The following HMX1 variants were observed in gnomAD, a reference collection of about 807,000 sequenced individuals.
The protein encoded by HMX1 is H6 family homeobox 1.
Under a neutral mutation model 8.9 loss-of-function variants are expected in HMX1, and 8 were observed. The observed-to-expected ratio is 0.90, with a 90% CI of 0.53 to 1.63. The LOEUF is 1.63. Ranked by LOEUF, HMX1 falls within the 40% of genes most tolerant of loss-of-function variation. HMX1 has a pLI of 0.00. For synonymous variants in HMX1, 311 were observed against 283.4 expected (o/e 1.10, Z -0.98); for missense variants, 621 against 558.5 (o/e 1.11, Z -1.13).
chr4:8,849,673 G>A lies in HMX1; in HGVS notation c.395-3349C>T, dbSNP rs185810314. On this transcript the variant is annotated intron_variant, in intron 1 of 1. Coordinates refer to the HMX1 transcript ENST00000506970. The surrounding 1 kb of genome is among the most constrained non-coding windows in gnomAD (Gnocchi z 6.6). Reference sequence around the variant, plus strand: ...TGGGGTCCCCCCGGCCCCAGCGTGCGGTCTTCAACTGTCATCAGGCCCATG... The same window carrying A: ...TGGGGTCCCCCCGGCCCCAGCGTGCAGTCTTCAACTGTCATCAGGCCCATG... Among the ~76,000 whole-genome samples, 5 of 152,324 alleles carry A rather than the reference G, an allele frequency of 3.3e-5. No homozygotes were observed. The highest frequency in any genetic ancestry group is 7.3e-5 in the Non-Finnish European group (5 of 68,028).
intron 1 of HMX1, among the ~76,000 whole-genome samples, chr4:8,854,415 C>T (rs985565182): frequency 1.3e-5 from 2 of 152,252 alleles, no homozygotes; most frequent in African/African-American, 4.8e-5. Context: ...TGCTGGGACA[C>T]TCCTGTGTGT....
In HMX1 at chr4:8,868,298, C is replaced by G. The variant is rs1722095678; in HGVS notation, c.442G>C (p.Glu148Gln). The G allele has an allele frequency of 6.2e-6, 9 of 1,443,036 alleles. No individual in the cohort carries two copies. Among genetic ancestry groups the G allele is most frequent in the Non-Finnish European group, 8.2e-6 (9 of 1,104,102 alleles). 89.4% of individuals were successfully genotyped at this position (1,443,036 alleles called of 1,614,324 possible). A position where few individuals can be genotyped will look rare whatever the true frequency, so the allele number is the denominator to read the frequency against. Residue 148 changes from glutamate (E) to glutamine (Q), a missense_variant, in exon 2 of 2, where the codon GAG becomes CAG. Transcript: ENST00000400677. This position sits in a 1 kb window ranked among gnomAD's most constrained non-coding sequence, Gnocchi z 4.6. ...PETGEEMGRA[E>Q]GAWPRGPGPG... The stretch of plus-strand genomic sequence containing the variant: ...CCGGGGCCTCGCGGCCAGGCGCCCT[C>G]CGCACGGCCCATCTCCTCGCCCGTC...
downstream of HMX1, among the ~76,000 whole-genome samples, chr4:8,864,413 G>A (rs1411798852): frequency 6.6e-6 from 1 of 152,156 alleles, no homozygotes; most frequent in Non-Finnish European, 1.5e-5. Context: ...TGCGGAGAGG[G>A]TGAGGAGGTG....
chr4:8,861,864 C>G (rs559460338), intron 1 of HMX1, among the ~76,000 whole-genome samples: 1 of 152,230 alleles, frequency 6.6e-6, no homozygotes, highest in Admixed American at 6.5e-5. Flanking sequence ...AGGAAGTGCC[C>G]GGAAACCAAA....
Position 8,870,990 on chromosome 4 carries a change from A to G in HMX1, c.394+231T>C, listed in dbSNP as rs138628511. Among the ~76,000 whole-genome samples, 975 of 152,054 alleles carry G rather than the reference A, an allele frequency of 6.4e-3. 8 individuals are homozygous for G. Among genetic ancestry groups the G allele is most frequent in the South Asian group, 0.03 (144 of 4,810 alleles). The stretch of plus-strand genomic sequence containing the variant: ...GACCGGAGGAGCCCGGCAATGGGTG[A>G]AGCTATGGCCTGCAAAACCTCCTCG... On this transcript the variant is annotated intron_variant, in intron 1 of 1. Transcript: ENST00000400677. The surrounding 1 kb of genome is among the most constrained non-coding windows in gnomAD (Gnocchi z 4.4).
At chr4:8,851,611 G>A (rs1321699636) in intron 1 of HMX1, among the ~76,000 whole-genome samples, 2 of 152,220 alleles carry the variant, frequency 1.3e-5, no homozygotes, top group Admixed American at 6.5e-5. Flanking sequence ...GGCTCTGCGG[G>A]CCTGAGGCCA....
chr4:8,867,609 G>A lies in HMX1; in HGVS notation c.*84C>T. 1.7e-6 allele frequency: 2 copies of A among 1,193,566 alleles called. No homozygotes were observed. Among genetic ancestry groups the A allele is most frequent in the Non-Finnish European group, 2.1e-6 (2 of 963,040 alleles). 73.9% of individuals were successfully genotyped at this position (1,193,566 alleles called of 1,614,324 possible). On this transcript the variant is annotated 3_prime_UTR_variant, in exon 2 of 2. Coordinates refer to ENST00000400677, the MANE Select transcript of HMX1 (RefSeq NM_018942.3). ...CAGGAGCGACCATCCCTTCCCTAAC[G>A]CCCCCTGAGCCCTGCGCCTGCCGCT...
rs1242847120 is a variant in HMX1 at position 8,853,594 on chromosome 4, G to T, written c.395-7270C>A. 6.6e-6 allele frequency among the ~76,000 whole-genome samples: 1 copy of T among 152,232 alleles called. No individual in the cohort carries two copies. Among genetic ancestry groups the T allele is most frequent in the Non-Finnish European group, 1.5e-5 (1 of 68,042 alleles). ...CGGCTGGGCATGGTGGCTCACACCT[G>T]TAATCCCAGCACTTTGGCAGGCCAA... On this transcript the variant is annotated intron_variant, in intron 1 of 1. Transcript: ENST00000506970. The surrounding 1 kb of genome is among the most constrained non-coding windows in gnomAD (Gnocchi z 4.7).
downstream of HMX1, chr4:8,867,027 G>A (rs543370088): frequency 2.2e-5 from 21 of 967,112 alleles, no homozygotes; most frequent in South Asian, 9.6e-4. Flanking sequence ...CTGCCCTCGT[G>A]ATCACAAAGC....
Position 8,868,196 on chromosome 4 carries a change from G to C in HMX1, c.544C>G (p.Leu182Val), listed in dbSNP as rs1362281902. 6.8e-7 allele frequency: 1 copy of C among 1,478,736 alleles called. No homozygotes were observed. The highest frequency in any genetic ancestry group is 1.3e-5 in the South Asian group (1 of 77,696). The allele number at this position is 1,478,736 out of a possible 1,614,324, so 91.6% of individuals were successfully genotyped here. The change falls in exon 2 of 2, where the codon CTG becomes GTG. Residue 182 changes from leucine to valine, a missense_variant. Leu to Val is a conservative substitution (Grantham distance 32, BLOSUM62 1). Transcript: ENST00000400677. This position sits in a 1 kb window ranked among gnomAD's most constrained non-coding sequence, Gnocchi z 4.6. ...CCAGCCGCCGCAGGGACCTCGGCCA[G>C]CTCCGACGCCTCCTCCGTGCCGGCC... ...PAAGTEEASELAEVPAAAGET... is the reference protein window; with the variant it reads ...PAAGTEEASEVAEVPAAAGET...
chr4:8,871,490 C>T lies in HMX1; in HGVS notation c.125G>A (p.Arg42Gln), dbSNP rs1297620668. The change falls in exon 1 of 2, where the codon CGG becomes CAG. Residue 42 changes from arginine (R) to glutamine (Q), a missense_variant. Arg to Gln is a conservative substitution (Grantham distance 43, BLOSUM62 1). Transcript: ENST00000400677. This position sits in a 1 kb window ranked among gnomAD's most constrained non-coding sequence, Gnocchi z 4.8. ...GTCGTCGTCCTCCTCCTCGTCCTCC[C>T]GGCTGCCGTCGCCCTGGGTCGCGCG... ...AGRATQGDGS[R>Q]EDEEEDDDDP... 3 of 1,338,704 alleles carry T rather than the reference C, an allele frequency of 2.2e-6. No homozygotes were observed. The highest frequency in any genetic ancestry group is 1.6e-5 in the African/African-American group (1 of 64,230). The allele number at this position is 1,338,704 out of a possible 1,614,324, so 82.9% of individuals were successfully genotyped here.
At chr4:8,854,412 A>G (rs559222371) in intron 1 of HMX1, among the ~76,000 whole-genome samples, 1 of 152,232 alleles carries the variant, frequency 6.6e-6, no homozygotes, top group African/African-American at 2.4e-5. Flanking sequence ...CACTGCTGGG[A>G]CACTCCTGTG....
At position 8,868,356 on chromosome 4, in the gene HMX1, G is replaced by A. The variant is rs755179940; in HGVS notation, c.395-11C>T. The A allele has an allele frequency of 7.3e-7, 1 of 1,362,482 alleles. No homozygotes were observed. Among genetic ancestry groups the A allele is most frequent in the African/African-American group, 1.5e-5 (1 of 65,374 alleles). The allele number at this position is 1,362,482 out of a possible 1,614,324, so 84.4% of individuals were successfully genotyped here. A position where few individuals can be genotyped will look rare whatever the true frequency, so the allele number is the denominator to read the frequency against. On this transcript the variant is annotated splice_polypyrimidine_tract_variant and intron_variant, in intron 1 of 1. Transcript: ENST00000400677. The surrounding 1 kb of genome is among the most constrained non-coding windows in gnomAD (Gnocchi z 4.6). ...AGTCCCGGTCGCTGGCTGCAGGGGA[G>A]AGAGGGCACCACCGTTGGTTCTAGG...
rs575573926 is a variant in HMX1 at position 8,867,411 on chromosome 4, G to A, written c.*282C>T. ...GACCGCTCCTCGCTGAGGCCGGGGG[G>A]TGGCCGTGGCGCCGGGGGCTGCGCA... On this transcript the variant is annotated 3_prime_UTR_variant, in exon 2 of 2. Coordinates refer to ENST00000400677, the MANE Select transcript of HMX1 (RefSeq NM_018942.3). 958 of 1,082,780 alleles carry A rather than the reference G, an allele frequency of 8.8e-4. 6 individuals carry two copies. The African/African-American group carries it at 0.015, about 17-fold the overall frequency. The allele number at this position is 1,082,780 out of a possible 1,614,324, so 67.1% of individuals were successfully genotyped here.
At position 8,853,857 on chromosome 4, in the gene HMX1, A is replaced by T. The variant is rs547253305; in HGVS notation, c.395-7533T>A. Among the ~76,000 whole-genome samples the T allele has an allele frequency of 6.6e-6, 1 of 152,254 alleles. No individual in the cohort carries two copies. Among genetic ancestry groups the T allele is most frequent in the East Asian group, 1.9e-4 (1 of 5,178 alleles). The stretch of plus-strand genomic sequence containing the variant: ...AACAAGAGCAAAATTCCATCTCAAA[A>T]AAAAGGGGGGCGGGGGAAGAATGGA... On this transcript the variant is annotated intron_variant, in intron 1 of 1. Transcript: ENST00000506970. The surrounding 1 kb of genome is among the most constrained non-coding windows in gnomAD (Gnocchi z 4.7).
At position 8,868,141 on chromosome 4, in the gene HMX1, C is replaced by T; in HGVS notation, c.599G>A (p.Gly200Asp). 2 of 1,509,330 alleles carry T rather than the reference C, an allele frequency of 1.3e-6. No homozygotes were observed. The highest frequency in any genetic ancestry group is 1.8e-6 in the Non-Finnish European group (2 of 1,134,052). The allele number at this position is 1,509,330 out of a possible 1,614,324, so 93.5% of individuals were successfully genotyped here. Residue 200 changes from glycine (G) to aspartate (D), a missense_variant, in exon 2 of 2, where the codon GGC becomes GAC. By Grantham distance (94) the Gly-to-Asp change is moderately conservative. Coordinates refer to ENST00000400677, the MANE Select transcript of HMX1 (RefSeq NM_018942.3). This position sits in a 1 kb window ranked among gnomAD's most constrained non-coding sequence, Gnocchi z 4.6. ...TGTGCGCGTCTTCTTCTTTCGGCCG[C>T]CGCCCACGCCAACGCCGCCGCGTGT... ...GETRGGVGVGGGRKKKTRTVF... is the reference protein window; with the variant it reads ...GETRGGVGVGDGRKKKTRTVF...
downstream of HMX1, among the ~76,000 whole-genome samples, chr4:8,863,121 C>T (rs143130538): frequency 5.1e-4 from 77 of 152,260 alleles, no homozygotes; most frequent in East Asian, 0.014. Context: ...GCAGGGTGGC[C>T]GAAGGGTATG....
At chr4:8,856,305 T>C (rs554518348) in intron 1 of HMX1, among the ~76,000 whole-genome samples, 55 of 152,292 alleles carry the variant, frequency 3.6e-4, no homozygotes, top group Non-Finnish European at 7.5e-4. Context: ...TTTAGAAATA[T>C]AGAGGCAGGT....
chr4:8,867,992 A>G lies in HMX1; in HGVS notation c.748T>C (p.Trp250Arg). ...LQLTETQVKI[W>R]FQNRRNKWKR... is the part of the protein sequence containing the mutation. Reference sequence around the variant, plus strand: ...CACTTGTTGCGGCGGTTCTGGAACCAGATCTTAACCTGCGTCTCGGTGAGC... The same window carrying G: ...CACTTGTTGCGGCGGTTCTGGAACCGGATCTTAACCTGCGTCTCGGTGAGC... Residue 250 changes from tryptophan (W) to arginine (R), a missense_variant, in exon 2 of 2, where the codon TGG (tryptophan) becomes CGG (arginine). Physicochemically the swap from Trp to Arg is moderately radical, Grantham distance 101 (BLOSUM62 -3). Transcript: ENST00000400677. The G allele has an allele frequency of 6.5e-7, 1 of 1,537,316 alleles. No individual in the cohort carries two copies. The highest frequency in any genetic ancestry group is 8.8e-7 in the Non-Finnish European group (1 of 1,141,456).
Sources: gnomAD v4.1 joint callset for allele counts (sites outside exome capture counted in the v4.1 genomes callset) on GRCh38, gnomAD v4.1.1 for gene constraint, Gnocchi (gnomAD v3.1) non-coding constraint, MANE v1.5 for transcripts, NCBI Gene and HGNC (gene_info 2026-07-23, HGNC 2026-07-21) for gene names.